MLLT3: variants seen among roughly 807,000 people sequenced by gnomAD.
MLLT3 encodes the protein MLLT3 super elongation complex subunit, also known as protein AF-9.
A neutral mutation model predicts 53.2 loss-of-function variants in MLLT3; 4 were observed. The ratio of observed to expected loss-of-function variants is 0.08; its 90% CI spans 0.04 to 0.17. The LOEUF (loss-of-function observed/expected upper bound fraction) is 0.17, where lower values mean the gene tolerates loss of function less well. MLLT3 is among the 10% of genes least tolerant of loss of function. The pLI is 1.00. For missense variants in MLLT3, 569 were observed against 684.0 expected, an observed-to-expected ratio of 0.83 and a Z score of 1.87; for synonymous variants, 283 against 230.6, an observed-to-expected ratio of 1.23 and a Z score of -2.06.
chr9:20,607,962 TG>T lies in MLLT3; in HGVS notation c.193+12691del, dbSNP rs374076225. Among the ~76,000 whole-genome samples, 77 of 152,136 alleles carry T rather than the reference TG, an allele frequency of 5.1e-4. 1 individual carries two copies. Among genetic ancestry groups the T allele is most frequent in the African/African-American group, 1.7e-3 (70 of 41,564 alleles). ...CTTTGTAAAAACCTCTAGTTATTTT[TG>T]TAGCTTATATATGAAATATTAATAA... On this transcript the variant is annotated intron_variant, in intron 2 of 10. Transcript: ENST00000380338.
chr9:20,447,991 A>T, intron 4 of MLLT3, 132 bp downstream of exon 4: 1 of 897,138 alleles, frequency 1.1e-6, no homozygotes, highest in Non-Finnish European at 1.7e-6. Context: ...CTAAGCCATT[A>T]AGGTACATCA....
intron 2 of MLLT3, among the ~76,000 whole-genome samples, chr9:20,524,511 C>T (rs551895382): frequency 2.0e-5 from 3 of 150,660 alleles, no homozygotes; most frequent in African/African-American, 5.0e-5. Flanking sequence ...CGGTGACTAA[C>T]GAAAAATAAC....
At chr9:20,431,075 A>T (rs1823256893) in intron 4 of MLLT3, among the ~76,000 whole-genome samples, 1 of 152,156 alleles carries the variant, frequency 6.6e-6, no homozygotes, top group Non-Finnish European at 1.5e-5. Flanking sequence ...ACAAGAAAAT[A>T]GAACAATGAG....
intron 2 of MLLT3, among the ~76,000 whole-genome samples, chr9:20,506,466 G>C (rs1249657584): frequency 1.3e-5 from 2 of 151,484 alleles, no homozygotes; most frequent in African/African-American, 4.8e-5. Context: ...TCAAGTAAAT[G>C]CTTTTTTTTT....
At position 20,353,557 on chromosome 9, in the gene MLLT3, T is replaced by C; in HGVS notation, c.1543A>G (p.Met515Val). ...AGAATGTGTCTTTCTCTCAATGTCA[T>C]TAACCTTCTGTGAAGCTCTACCAGT... ...DELVELHRRLMTLRERHILQQ... is the reference protein window; with the variant it reads ...DELVELHRRLVTLRERHILQQ... Residue 515 changes from methionine to valine, a missense_variant, in exon 10 of 11, where the codon ATG (methionine) becomes GTG (valine). Around this residue, in one of 5 missense-constraint regions of MLLT3, gnomAD observed 45 missense variants for 85.5 expected, o/e 0.53. Transcript: ENST00000380338. 1 of 1,614,182 alleles carries C rather than the reference T, an allele frequency of 6.2e-7. No homozygotes were observed. The highest frequency in any genetic ancestry group is 8.5e-7 in the Non-Finnish European group (1 of 1,179,982).
intron 2 of MLLT3, among the ~76,000 whole-genome samples, chr9:20,496,232 T>C (rs1825077325): frequency 6.6e-6 from 1 of 152,228 alleles, no homozygotes. Flanking sequence ...CACACTTTTT[T>C]GTTTGTAAAG....
chr9:20,359,756 A>C (rs1025978052), intron 8 of MLLT3, among the ~76,000 whole-genome samples: 1 of 152,228 alleles, frequency 6.6e-6, no homozygotes, highest in Admixed American at 6.5e-5. Context: ...GTGAAACAGT[A>C]TTTTCAGAAA....
At chr9:20,616,508 C>T (rs943608787) in intron 2 of MLLT3, among the ~76,000 whole-genome samples, 4 of 152,042 alleles carry the variant, frequency 2.6e-5, no homozygotes, top group East Asian at 3.8e-4. Context: ...TCAAACACTA[C>T]AAAAATAACC....
chr9:20,421,371 A>G (rs753686013), intron 4 of MLLT3, among the ~76,000 whole-genome samples: 66 of 152,150 alleles, frequency 4.3e-4, no homozygotes, highest in Non-Finnish European at 8.2e-4. Context: ...AACATGCTCC[A>G]GGGAAAATTC....
At chr9:20,470,929 T>C (rs1368257209) in intron 2 of MLLT3, among the ~76,000 whole-genome samples, 1 of 152,028 alleles carries the variant, frequency 6.6e-6, no homozygotes, top group Non-Finnish European at 1.5e-5. Flanking sequence ...AGTGAGACAT[T>C]TAAAGACAGC....
chr9:20,429,313 A>C (rs1823210332), intron 4 of MLLT3, among the ~76,000 whole-genome samples: 1 of 152,158 alleles, frequency 6.6e-6, no homozygotes, highest in Non-Finnish European at 1.5e-5. Flanking sequence ...GGCTGAAGTG[A>C]GCCATGACTG....
chr9:20,496,752 T>C (rs779358404), intron 2 of MLLT3, among the ~76,000 whole-genome samples: 5 of 152,222 alleles, frequency 3.3e-5, no homozygotes, highest in African/African-American at 7.2e-5. Context: ...GGTTACTATA[T>C]TGACAGTCCA....
chr9:20,376,104 A>G (rs1277400398), intron 5 of MLLT3, among the ~76,000 whole-genome samples: 1 of 152,182 alleles, frequency 6.6e-6, no homozygotes, highest in Non-Finnish European at 1.5e-5. Context: ...AAAAAATACC[A>G]TTTAATGCTT....
chr9:20,350,535 C>T (rs1820991936), intron 10 of MLLT3, among the ~76,000 whole-genome samples: 2 of 146,656 alleles, frequency 1.4e-5, no homozygotes, highest in South Asian at 2.2e-4. Flanking sequence ...GCGGAGCTTG[C>T]AGTGAGCCGA....
intron 9 of MLLT3, 136 bp from the exon 10 acceptor site, chr9:20,353,732 G>T: frequency 1.4e-6 from 1 of 716,322 alleles, no homozygotes; most frequent in Non-Finnish European, 2.4e-6. Context: ...CAGGCTGTGT[G>T]CACTCAGTGC....
chr9:20,514,817 C>T (rs1409920145), intron 2 of MLLT3, among the ~76,000 whole-genome samples: 1 of 152,016 alleles, frequency 6.6e-6, no homozygotes, highest in Non-Finnish European at 1.5e-5. Context: ...CATGAAAGTT[C>T]TACTGAAAGC....
At chr9:20,585,754 G>A (rs761551889) in intron 2 of MLLT3, among the ~76,000 whole-genome samples, 50 of 152,144 alleles carry the variant, frequency 3.3e-4, no homozygotes, top group Admixed American at 1.3e-3. Flanking sequence ...ATTTCCCAGT[G>A]TGGTCTCATG....
chr9:20,350,505 G>C (rs1360088698), intron 10 of MLLT3, among the ~76,000 whole-genome samples: 1 of 149,170 alleles, frequency 6.7e-6, no homozygotes, highest in Non-Finnish European at 1.5e-5. Context: ...TGAGGCAGGA[G>C]AATGGCGTGA....
At chr9:20,514,841 C>G (rs1817864133) in intron 2 of MLLT3, among the ~76,000 whole-genome samples, 1 of 151,858 alleles carries the variant, frequency 6.6e-6, no homozygotes, top group South Asian at 2.1e-4. Flanking sequence ...TTCCAAGAAA[C>G]CAGTATTGTG....
Sources: allele counts gnomAD v4.1 joint callset (sites outside exome capture counted in the v4.1 genomes callset), GRCh38; gene constraint gnomAD v4.1.1; regional missense constraint gnomAD v4.1.1; transcripts MANE v1.5; gene names NCBI Gene and HGNC (gene_info 2026-07-23, HGNC 2026-07-21).